The following MUC4 variants were observed in gnomAD, a reference collection of about 807,000 sequenced individuals.
MUC4 encodes mucin-4.
A neutral mutation model predicts 257.9 loss-of-function variants in MUC4; 202 were observed. That is an observed-to-expected ratio of 0.78 (90% confidence interval 0.70 to 0.88). The LOEUF is 0.88. MUC4 is among the 40% of genes least tolerant of loss of function. The pLI is 0.00. For missense variants in MUC4, 5,976 were observed against 6,513.7 expected (o/e 0.92, Z 2.84); for synonymous variants, 2,351 against 2,757.1 (o/e 0.85, Z 4.62).
At chr3:195,767,727 TCACCACCACCA>T (rs1721467279) in intron 7 of MUC4, among the ~76,000 whole-genome samples, 1 of 1,648 alleles carries the variant, frequency 6.1e-4, no homozygotes, top group Non-Finnish European at 1.1e-3. Flanking sequence ...ACCACCACCA[TCACCACCACCA>T]TCACCATCGC....
chr3:195,749,101 C>T (rs771338691), intron 23 of MUC4, 37 bp from the exon 24 acceptor site: 15 of 1,601,276 alleles, frequency 9.4e-6, no homozygotes, highest in Middle Eastern at 1.6e-4. Context: ...AGAAAGCAAC[C>T]GATGAACACT....
chr3:195,748,845 T>G, intron 24 of MUC4, 57 bp downstream of exon 24: 1 of 1,487,602 alleles, frequency 6.7e-7, no homozygotes, highest in South Asian at 1.4e-5. Context: ...TGCAGTGTCT[T>G]GCCCAGCTTG....
Position 195,771,793 on chromosome 3 carries a change from G to C in MUC4, c.13101C>G (p.Ile4367Met). ...AAATCTGGTAGTCTGACTCTGGGAA[G>C]ATGATCTGGCCATTGTCTGTGAACT... ...SLYFTDNGQI[I>M]FPESDYQIFS... The change falls in exon 5 of 25, where the codon ATC becomes ATG. Residue 4367 changes from isoleucine to methionine, a missense_variant. Transcript: ENST00000463781. 1 of 1,613,930 alleles carries C rather than the reference G, an allele frequency of 6.2e-7. No individual in the cohort carries two copies. The highest frequency in any genetic ancestry group is 1.1e-5 in the South Asian group (1 of 91,082).
chr3:195,789,349 A>G lies in MUC4; in HGVS notation c.2231T>C (p.Val744Ala). The G allele has an allele frequency of 1.2e-6, 2 of 1,613,786 alleles. No homozygotes were observed. The highest frequency in any genetic ancestry group is 1.7e-6 in the Non-Finnish European group (2 of 1,179,868). The part of the protein sequence containing the change: ...KTGALTLANS[V>A]VSTPGGPEGQ... ...TTCTGGGCCCCCTGGTGTTGACACT[A>G]CAGAGTTGGCCAGAGTAAGGGCACC... Residue 744 changes from valine (V) to alanine (A), a missense_variant, in exon 2 of 25, where the codon GTA (valine) becomes GCA (alanine). Val to Ala is a moderately conservative substitution (Grantham distance 64, BLOSUM62 0). Transcript: ENST00000463781.
chr3:195,803,714 G>A (rs554470196), intron 1 of MUC4, among the ~76,000 whole-genome samples: 3 of 152,238 alleles, frequency 2.0e-5, no homozygotes, highest in African/African-American at 4.8e-5. Context: ...TGAAGAGACC[G>A]AGTGATATTA....
intron 5 of MUC4, 44 bp downstream of exon 5, chr3:195,771,608 C>A (rs972584815): frequency 6.3e-7 from 1 of 1,595,472 alleles, no homozygotes. Context: ...GTCTCCCCTG[C>A]CAGCTGCTGG....
chr3:195,791,361 T>C lies in MUC4; in HGVS notation c.219A>G (p.Ser73=), dbSNP rs1305426666. Residue 73 remains serine (S), a synonymous_variant, in exon 2 of 25, where the codon TCA becomes TCG. Transcript: ENST00000463781. ...TGCTCTTAGTCTGGTGGTTCTGAGA[T>C]GAAGCTGATATGTCCTGATTAGAGG... The part of the protein sequence containing the change: ...SRTSNQDISA[S]SQNHQTKSTE... 1 of 1,613,880 alleles carries C rather than the reference T, an allele frequency of 6.2e-7. No individual in the cohort carries two copies.
chr3:195,767,891 A>G (rs371885061), intron 7 of MUC4, among the ~76,000 whole-genome samples: 12,869 of 129,266 alleles, frequency 0.1, 1,301 homozygotes, highest in Non-Finnish European at 0.15. Flanking sequence ...CACCATCACC[A>G]CCACCATCAC....
At chr3:195,800,406 A>C (rs1382591588) in intron 1 of MUC4, among the ~76,000 whole-genome samples, 1 of 152,224 alleles carries the variant, frequency 6.6e-6, no homozygotes, top group Non-Finnish European at 1.5e-5. Flanking sequence ...ATAGGAGGGC[A>C]AGTGAGTCAC....
intron 1 of MUC4, among the ~76,000 whole-genome samples, chr3:195,797,251 G>C (rs1042160961): frequency 7.0e-6 from 1 of 142,104 alleles, no homozygotes; most frequent in Non-Finnish European, 1.6e-5. Flanking sequence ...CCTGGTGACA[G>C]AGCAGGACTC....
At chr3:195,795,612 G>C (rs1335487484) in intron 1 of MUC4, among the ~76,000 whole-genome samples, 2 of 151,972 alleles carry the variant, frequency 1.3e-5, no homozygotes, top group African/African-American at 4.8e-5. Context: ...AAAAGGAAAG[G>C]AAGCAAGACC....
chr3:195,804,151 G>A (rs1735690191), intron 1 of MUC4, among the ~76,000 whole-genome samples: 2 of 152,230 alleles, frequency 1.3e-5, no homozygotes, highest in South Asian at 4.1e-4. Flanking sequence ...CTGAGGTAGA[G>A]ACGTTCCCCA....
Position 195,811,140 on chromosome 3 carries a change from A to ATT in MUC4, c.82+594_82+595dup, listed in dbSNP as rs1438051300. ...TTCTCCTCTTCTTATTTTTTATTTT[A>ATT]TTTTATATTTATTTATTTATTTATT... On this transcript the variant is annotated intron_variant, in intron 1 of 24. Coordinates refer to ENST00000463781, the MANE Select transcript of MUC4 (RefSeq NM_018406.7). 8.5e-3 allele frequency among the ~76,000 whole-genome samples: 1,231 copies of ATT among 144,746 alleles called. 15 individuals are homozygous for ATT. Among genetic ancestry groups the ATT allele is most frequent in the South Asian group, 0.015 (67 of 4,538 alleles). 95.0% of individuals were successfully genotyped at this position (144,746 alleles called of 152,430 possible).
rs372714637 is a variant in MUC4, at chr3:195,789,143, T to A, written c.2437A>T (p.Thr813Ser). ...ATPSSSGASG[T>S]TPSGSEGIST... ...ATTCCTTCGCTTCCTGAAGGTGTTG[T>A]GCCACTCGCCCCGGATGAGGAAGGG... Residue 813 changes from threonine (T) to serine (S), a missense_variant, in exon 2 of 25, where the codon ACA becomes TCA. By Grantham distance (58) the Thr-to-Ser change is moderately conservative. Coordinates refer to ENST00000463781, the MANE Select transcript of MUC4 (RefSeq NM_018406.7). 222 of 1,613,676 alleles carry A rather than the reference T, an allele frequency of 1.4e-4. No individual in the cohort carries two copies. Among genetic ancestry groups the A allele is most frequent in the Non-Finnish European group, 1.8e-4 (212 of 1,179,848 alleles).
chr3:195,754,422 G>A, intron 18 of MUC4, 50 bp from the exon 19 acceptor site: 1 of 1,563,650 alleles, frequency 6.4e-7, no homozygotes, highest in Non-Finnish European at 8.7e-7. Context: ...AACTGGGAAG[G>A]GCTTCTGGGT....
At chr3:195,804,198 A>G (rs1416934123) in intron 1 of MUC4, among the ~76,000 whole-genome samples, 4 of 152,214 alleles carry the variant, frequency 2.6e-5, no homozygotes, top group Admixed American at 2.0e-4. Flanking sequence ...AGCCTCTGCC[A>G]TCACGTCAGC....
chr3:195,790,656 T>G lies in MUC4; in HGVS notation c.924A>C (p.Ala308=), dbSNP rs890524758. ...VTFDPEGQSP[A]TFSRTSTQDT... ...CCTGAGTAGAAGTCCTTGAGAAAGT[T>G]GCTGGTGATTGTCCTTCTGGATCAA... Residue 308 remains alanine, a synonymous_variant, in exon 2 of 25, where the codon GCA becomes GCC. Coordinates refer to ENST00000463781, the MANE Select transcript of MUC4 (RefSeq NM_018406.7). 6.2e-7 allele frequency: 1 copy of G among 1,613,876 alleles called. No individual in the cohort carries two copies. Among genetic ancestry groups the G allele is most frequent in the Non-Finnish European group, 8.5e-7 (1 of 1,179,884 alleles).
rs1008800797 is a variant in MUC4, at chr3:195,768,127, G to A, written c.13529+895C>T. ...CACAAGCAGGATGATGCACCCCTGC[G>A]TGACACCTTCCTTGGGTGTACCTGG... On this transcript the variant is annotated intron_variant, in intron 7 of 24. Transcript: ENST00000463781. 1.3e-4 allele frequency among the ~76,000 whole-genome samples: 20 copies of A among 152,268 alleles called. No individual in the cohort carries two copies. In the East Asian group the frequency reaches 1.4e-3, roughly 10 times the overall value.
intron 1 of MUC4, among the ~76,000 whole-genome samples, chr3:195,801,139 T>C (rs192811226): frequency 1.1e-4 from 17 of 152,336 alleles, no homozygotes; most frequent in African/African-American, 3.8e-4. Flanking sequence ...ATAGCCTTGT[T>C]CTTGCTGCTC....
Sources: allele counts gnomAD v4.1 joint callset (sites outside exome capture counted in the v4.1 genomes callset), GRCh38; gene constraint gnomAD v4.1.1; transcripts MANE v1.5; gene names NCBI Gene and HGNC (gene_info 2026-07-23, HGNC 2026-07-21).